Variants in DAAM2 observed in about 807,000 individuals in gnomAD.
DAAM2 encodes disheveled-associated activator of morphogenesis 2.
In DAAM2, 39 loss-of-function variants were observed where a neutral mutation model predicts 120.7. The ratio of observed to expected loss-of-function variants is 0.32; its 90% CI spans 0.25 to 0.42. DAAM2 has a LOEUF of 0.42. Among genes scored for constraint, DAAM2 ranks in the 10% least tolerant of loss-of-function variants. The probability of loss-of-function intolerance (pLI) is 1.00; values close to 1 mark genes in which losing one functional copy is unlikely to be tolerated. For missense variants in DAAM2, 1,283 were observed against 1,401.7 expected (o/e 0.92, Z 1.35); for synonymous variants, 488 against 524.9 (o/e 0.93, Z 0.96).
intron 21 of DAAM2, 84 bp downstream of exon 21, chr6:39,897,366 C>A: frequency 2.3e-6 from 2 of 873,344 alleles, no homozygotes; most frequent in Non-Finnish European, 3.7e-6. Flanking sequence ...CTACTCTGGG[C>A]TTGATGATGG....
intron 1 of DAAM2, 27 bp from the exon 2 acceptor site, chr6:39,856,220 C>G: frequency 7.4e-7 from 1 of 1,348,482 alleles, no homozygotes; most frequent in Non-Finnish European, 9.5e-7. Context: ...TATGCCTGAC[C>G]ACCCTGTGTT....
intron 1 of DAAM2, among the ~76,000 whole-genome samples, chr6:39,852,845 G>T (rs1370601734): frequency 6.6e-6 from 1 of 152,210 alleles, no homozygotes; most frequent in African/African-American, 2.4e-5. Context: ...GAGTGAAAGA[G>T]GTGTCAGAGC....
chr6:39,802,333 C>T (rs1318952131), intron 1 of DAAM2, among the ~76,000 whole-genome samples: 1 of 152,202 alleles, frequency 6.6e-6, no homozygotes, highest in Non-Finnish European at 1.5e-5. Flanking sequence ...ATTCTGGCTC[C>T]ACTTCTTGCT....
At chr6:39,828,036 A>T (rs943424031) in intron 1 of DAAM2, among the ~76,000 whole-genome samples, 1 of 151,846 alleles carries the variant, frequency 6.6e-6, no homozygotes, top group Non-Finnish European at 1.5e-5. Context: ...GTTCCCTCTC[A>T]CCTGTGCTCC....
chr6:39,810,275 AG>A (rs1762124203), intron 1 of DAAM2, among the ~76,000 whole-genome samples: 1 of 152,244 alleles, frequency 6.6e-6, no homozygotes, highest in Admixed American at 6.5e-5. Context: ...ATCAGACATT[AG>A]GTGAACAATG....
intron 17 of DAAM2, among the ~76,000 whole-genome samples, chr6:39,889,710 G>A (rs3003948): frequency 0.49 from 73,895 of 152,070 alleles, 18,112 homozygotes; most frequent in East Asian, 0.6. Context: ...ATTGCCTACT[G>A]TTGACCAGAA....
At chr6:39,874,898 G>T (rs911380927) in intron 10 of DAAM2, among the ~76,000 whole-genome samples, 7 of 152,122 alleles carry the variant, frequency 4.6e-5, no homozygotes, top group African/African-American at 1.7e-4. Flanking sequence ...TTTCTCTGTA[G>T]AGTAATAATG....
In DAAM2 at chr6:39,900,321, T is replaced by C. The variant is rs140757380; in HGVS notation, c.2811+113T>C. On this transcript the variant is annotated intron_variant, in intron 23 of 24. Transcript: ENST00000274867. ...GGGACAAACCCAGAGTTACAGAGCT[T>C]TGAGAGAAAACCGTTTCTTCGCTCT... 2.9e-4 allele frequency: 373 copies of C among 1,285,938 alleles called. 2 individuals are homozygous for C. In the African/African-American group the frequency reaches 4.9e-3, roughly 17 times the overall value. The allele number at this position is 1,285,938 out of a possible 1,614,324, so 79.7% of individuals were successfully genotyped here.
chr6:39,880,915 G>A (rs1765088261), intron 14 of DAAM2, among the ~76,000 whole-genome samples: 1 of 152,214 alleles, frequency 6.6e-6, no homozygotes, highest in Admixed American at 6.5e-5. Context: ...AAGACAAACT[G>A]CACATGAGTA....
intron 1 of DAAM2, among the ~76,000 whole-genome samples, chr6:39,815,289 TAAGATTATTAACTACCCC>T (rs984083832): frequency 6.6e-6 from 1 of 152,218 alleles, no homozygotes; most frequent in African/African-American, 2.4e-5. Flanking sequence ...CTGAATTCGT[TAAGATTATTAACTACCCC>T]TAGGTGACAA....
rs1764976437 is a variant in DAAM2, at chr6:39,878,680, C to G, written c.1545+92C>G. 3.0e-6 allele frequency: 4 copies of G among 1,328,852 alleles called. No individual in the cohort carries two copies. In the East Asian group the frequency reaches 1.0e-4, roughly 33 times the overall value. 82.3% of individuals were successfully genotyped at this position (1,328,852 alleles called of 1,614,324 possible). A position where few individuals can be genotyped will look rare whatever the true frequency, so the allele number is the denominator to read the frequency against. On this transcript the variant is annotated intron_variant, in intron 13 of 24. Transcript: ENST00000274867. The surrounding 1 kb of genome is among the most constrained non-coding windows in gnomAD (Gnocchi z 5.0). ...AGCAGGTGTCGGAGAGGCCAAGGACCCCAGCATGAGGGAGAAGGGAGATGG... is the reference window on the plus strand; with the variant it reads ...AGCAGGTGTCGGAGAGGCCAAGGACGCCAGCATGAGGGAGAAGGGAGATGG...
intron 1 of DAAM2, among the ~76,000 whole-genome samples, chr6:39,837,455 C>G (rs1763144580): frequency 6.6e-6 from 1 of 151,960 alleles, no homozygotes; most frequent in African/African-American, 2.4e-5. Flanking sequence ...CTGCCCACCT[C>G]AGCCTCCCAA....
chr6:39,850,807 C>T (rs1763782126), intron 1 of DAAM2, among the ~76,000 whole-genome samples: 1 of 152,146 alleles, frequency 6.6e-6, no homozygotes, highest in African/African-American at 2.4e-5. Context: ...TGTCCTTGTC[C>T]TGTTACCCCT....
rs1459617147 is a variant in DAAM2 at position 39,887,571 on chromosome 6, A to G, written c.2039A>G (p.Asn680Ser). 2 of 1,613,336 alleles carry G rather than the reference A, an allele frequency of 1.2e-6. No homozygotes were observed. The highest frequency in any genetic ancestry group is 2.7e-5 in the African/African-American group (2 of 74,928). The change falls in exon 16 of 25, where the codon AAC (asparagine) becomes AGC (serine). Residue 680 changes from asparagine to serine, a missense_variant. By Grantham distance (46) the Asn-to-Ser change is conservative (BLOSUM62 1). Coordinates refer to ENST00000274867, the MANE Select transcript of DAAM2 (RefSeq NM_001201427.2). ...GTCATTGATGGCCGGAGGGCCCAAA[A>G]CTGCATCATCCTTCTTTCCAAGTAT... is the stretch of plus-strand genomic sequence containing the variant. ...LSVIDGRRAQNCIILLSKLKL... is the reference protein window; with the variant it reads ...LSVIDGRRAQSCIILLSKLKL...
intron 3 of DAAM2, chr6:39,862,392 G>T (rs1764247013): frequency 6.6e-6 from 1 of 151,264 alleles, no homozygotes; most frequent in South Asian, 2.1e-4. Flanking sequence ...AAGGAAGGAA[G>T]GAAAGAAATT....
intron 5 of DAAM2, chr6:39,867,299 T>C: frequency 1.7e-6 from 1 of 580,396 alleles, no homozygotes; most frequent in South Asian, 2.0e-5. Flanking sequence ...GACAATGATA[T>C]GCAAATACAG....
intron 17 of DAAM2, among the ~76,000 whole-genome samples, chr6:39,890,517 G>A (rs1417938761): frequency 1.3e-5 from 2 of 152,196 alleles, no homozygotes; most frequent in Non-Finnish European, 2.9e-5. Flanking sequence ...ATAAAAGAGA[G>A]CATACAGCAT....
chr6:39,855,938 G>C (rs963658762), intron 1 of DAAM2: 1 of 664,676 alleles, frequency 1.5e-6, no homozygotes, highest in East Asian at 1.4e-4. Context: ...TGGTCACATG[G>C]AAGTCACATT....
chr6:39,900,341 C>A, intron 23 of DAAM2, 133 bp downstream of exon 23: 2 of 1,042,372 alleles, frequency 1.9e-6, no homozygotes, highest in African/African-American at 1.6e-5. Flanking sequence ...ACCGTTTCTT[C>A]GCTCTTAACA....
Sources: gnomAD v4.1 joint callset for allele counts (sites outside exome capture counted in the v4.1 genomes callset) on GRCh38, gnomAD v4.1.1 for gene constraint, Gnocchi (gnomAD v3.1) non-coding constraint, MANE v1.5 for transcripts, NCBI Gene and HGNC (gene_info 2026-07-23, HGNC 2026-07-21) for gene names.